Variants in PPEF1 observed in about 807,000 individuals in gnomAD.
PPEF1 encodes the protein serine/threonine-protein phosphatase with EF-hands 1.
PPEF1 carries 12 observed loss-of-function variants against 53.3 expected under a neutral mutation model. That is an observed-to-expected ratio of 0.23 (90% CI 0.14 to 0.36). The LOEUF (loss-of-function observed/expected upper bound fraction) is 0.36. Ranked by LOEUF, PPEF1 falls within the 10% of genes least tolerant of loss-of-function variation. PPEF1 has a pLI of 1.00. For synonymous variants in PPEF1, 165 were observed against 176.7 expected (o/e 0.93, Z 0.52); for missense variants, 334 against 490.4 (o/e 0.68, Z 3.01).
At chrX:18,825,714 T>G (rs775778242) in intron 14 of PPEF1, 37 bp from the exon 15 acceptor site, 8 of 936,770 alleles carry the variant, frequency 8.5e-6, no homozygotes, top group Non-Finnish European at 1.2e-5. Flanking sequence ...TGTCATGAAT[T>G]CAATATGTTC....
At chrX:18,690,748 A>G (rs1929329778) in intron 3 of PPEF1, among the ~76,000 whole-genome samples, 1 of 112,589 alleles carries the variant, frequency 8.9e-6, no homozygotes, top group Admixed American at 9.4e-5. Context: ...ACACAAAAAT[A>G]GTTGATAAGG....
intron 4 of PPEF1, among the ~76,000 whole-genome samples, chrX:18,752,343 T>A (rs2045460819): frequency 9.0e-6 from 1 of 111,561 alleles, no homozygotes; most frequent in African/African-American, 3.3e-5. Context: ...TTGATGAATA[T>A]ACTTGTTAGC....
chrX:18,767,991 T>G (rs2045810935), intron 6 of PPEF1, among the ~76,000 whole-genome samples: 1 of 111,666 alleles, frequency 9.0e-6, no homozygotes, highest in African/African-American at 3.3e-5. Flanking sequence ...TGTAATGCTT[T>G]GTACTAATCA....
chrX:18,771,659 A>T (rs144938200), intron 6 of PPEF1, among the ~76,000 whole-genome samples: 1 of 111,498 alleles, frequency 9.0e-6, no homozygotes, highest in African/African-American at 3.3e-5. Context: ...AGGGGTACCA[A>T]TTCCCCATAC....
At chrX:18,818,287 C>G (rs994155107) in intron 13 of PPEF1, 142 bp downstream of exon 13, 1 of 374,312 alleles carries the variant, frequency 2.7e-6, no homozygotes, top group Non-Finnish European at 4.5e-6. Flanking sequence ...AAATATAATC[C>G]ATTATTTGCT....
At position 18,730,789 on chromosome X, in the gene PPEF1, G is replaced by A. The variant is rs765976371; in HGVS notation, c.174+481G>A. On this transcript the variant is annotated intron_variant, in intron 2 of 15. Transcript: ENST00000470157. ...GAGTGCAATGGCACGGTCTCAGCTC[G>A]CTGCAATCTCCGCCTCCTGGGTTCA... is the stretch of plus-strand genomic sequence containing the variant. 2.3e-4 allele frequency among the ~76,000 whole-genome samples: 25 copies of A among 106,751 alleles called. No individual in the cohort carries two copies. In the South Asian group the frequency reaches 9.2e-3, roughly 39 times the overall value. The allele number at this position is 106,751 out of a possible 115,157, so 92.7% of individuals were successfully genotyped here. A position where few individuals can be genotyped will look rare whatever the true frequency, so the allele number is the denominator to read the frequency against.
At chrX:18,783,043 C>T (rs1040435348) in intron 8 of PPEF1, among the ~76,000 whole-genome samples, 12 of 99,769 alleles carry the variant, frequency 1.2e-4, no homozygotes, top group Admixed American at 1.0e-3. Context: ...ACCCAGGAGG[C>T]GGAGGTTGCA....
chrX:18,786,086 G>A (rs1357274968), intron 9 of PPEF1, among the ~76,000 whole-genome samples: 1 of 112,060 alleles, frequency 8.9e-6, no homozygotes, highest in African/African-American at 3.2e-5. Context: ...GTGAACACAG[G>A]GCATGAATGC....
intron 5 of PPEF1, among the ~76,000 whole-genome samples, chrX:18,758,235 C>G (rs748253005): frequency 2.0e-4 from 22 of 111,958 alleles, no homozygotes; most frequent in African/African-American, 7.1e-4. Context: ...TTTTAAATAA[C>G]AAGATTTGAG....
intron 4 of PPEF1, among the ~76,000 whole-genome samples, chrX:18,754,680 C>G (rs2045510950): frequency 1.8e-5 from 2 of 111,896 alleles, no homozygotes; most frequent in Non-Finnish European, 3.8e-5. Flanking sequence ...TCACTGAAGC[C>G]TTGACCTCCT....
chrX:18,732,552 G>C (rs1404893295), intron 2 of PPEF1, among the ~76,000 whole-genome samples: 2 of 111,873 alleles, frequency 1.8e-5, no homozygotes, highest in African/African-American at 6.5e-5. Flanking sequence ...TATCGTAGTG[G>C]GTGTGAAGTG....
At chrX:18,711,879 G>A (rs974751085) in intron 1 of PPEF1, among the ~76,000 whole-genome samples, 4 of 108,132 alleles carry the variant, frequency 3.7e-5, no homozygotes, top group Admixed American at 1.0e-4. Context: ...CTCAGCCTCC[G>A]GAGTAGCTGG....
At chrX:18,801,484 C>T (rs959768088) in intron 10 of PPEF1, among the ~76,000 whole-genome samples, 2 of 111,906 alleles carry the variant, frequency 1.8e-5, no homozygotes, top group East Asian at 5.6e-4. Context: ...CCTGCTTTTT[C>T]ATGCACTCAA....
chrX:18,804,826 A>G (rs1157117983), intron 11 of PPEF1, among the ~76,000 whole-genome samples: 2 of 111,403 alleles, frequency 1.8e-5, no homozygotes, highest in African/African-American at 6.5e-5. Context: ...TGAGTAGGTG[A>G]CCTCCAGCAA....
At chrX:18,712,580 T>C (rs1808990547) in intron 1 of PPEF1, among the ~76,000 whole-genome samples, 1 of 112,342 alleles carries the variant, frequency 8.9e-6, no homozygotes, top group Non-Finnish European at 1.9e-5. Context: ...AACCAGGTCA[T>C]CTGCAAATAT....
upstream of PPEF1, among the ~76,000 whole-genome samples, chrX:18,677,999 A>C (rs770401859): frequency 9.1e-6 from 1 of 109,655 alleles, no homozygotes; most frequent in East Asian, 2.9e-4. Flanking sequence ...GCGCTGCCAA[A>C]CATCCTGTGG....
At chrX:18,813,251 C>T (rs4825273) in intron 12 of PPEF1, among the ~76,000 whole-genome samples, 46,544 of 107,433 alleles carry the variant, frequency 0.43, 8,043 homozygotes, top group Non-Finnish European at 0.55. Flanking sequence ...TGATGGCACA[C>T]GCCTGTAGTC....
In PPEF1 at chrX:18,716,622, C is replaced by T. The variant is rs141272725; in HGVS notation, c.46+8796C>T. The stretch of plus-strand genomic sequence containing the variant: ...CCGGCTCTCCATCCCCATCTCCTTA[C>T]TCCCAATTTGAAGTCCTTTACTGTG... On this transcript the variant is annotated intron_variant, in intron 1 of 15. Coordinates refer to ENST00000470157, the MANE Select transcript of PPEF1 (RefSeq NM_001377996.1). 2.7e-3 allele frequency among the ~76,000 whole-genome samples: 300 copies of T among 109,201 alleles called. 8 individuals are homozygous for T. In the East Asian group the frequency reaches 0.062, roughly 23 times the overall value. The allele number at this position is 109,201 out of a possible 115,157, so 94.8% of individuals were successfully genotyped here. A position where few individuals can be genotyped will look rare whatever the true frequency, so the allele number is the denominator to read the frequency against.
intron 4 of PPEF1, among the ~76,000 whole-genome samples, chrX:18,692,179 G>A (rs749482409): frequency 4.5e-5 from 5 of 112,050 alleles, no homozygotes; most frequent in Non-Finnish European, 9.4e-5. Context: ...TCCTGCCTGT[G>A]GGATATTTCA....
Sources: allele counts gnomAD v4.1 joint callset (sites outside exome capture counted in the v4.1 genomes callset), GRCh38; gene constraint gnomAD v4.1.1; transcripts MANE v1.5; gene names NCBI Gene and HGNC (gene_info 2026-07-23, HGNC 2026-07-21).